The following SLC35F4 variants were observed in gnomAD, a reference collection of about 807,000 sequenced individuals.
SLC35F4 encodes the protein chromosome 14 open reading frame 36.
In SLC35F4, 24 loss-of-function variants were observed where a neutral mutation model predicts 44.2. That is an observed-to-expected ratio of 0.54 (90% confidence interval 0.39 to 0.76). SLC35F4 has a LOEUF of 0.76. Ranked by LOEUF, SLC35F4 falls within the 30% of genes least tolerant of loss-of-function variation. The probability of loss-of-function intolerance (pLI) is 0.00; values close to 1 mark genes in which losing one functional copy is unlikely to be tolerated. For synonymous variants in SLC35F4, 238 were observed against 223.6 expected (o/e 1.06, Z -0.57); for missense variants, 562 against 586.1 (o/e 0.96, Z 0.42).
intron 7 of SLC35F4, among the ~76,000 whole-genome samples, chr14:57,564,724 TTC>T (rs1388638018): frequency 6.6e-6 from 1 of 152,240 alleles, no homozygotes; most frequent in Non-Finnish European, 1.5e-5. Flanking sequence ...GTGCAGGCTG[TTC>T]TTTTTAAAAA....
chr14:57,783,107 C>T (rs990861671), intron 1 of SLC35F4, among the ~76,000 whole-genome samples: 10 of 152,160 alleles, frequency 6.6e-5, no homozygotes, highest in African/African-American at 1.9e-4. Flanking sequence ...ATTAAAAATG[C>T]TGCTTTTATG....
chr14:57,860,196 G>A (rs1309463242), intron 1 of SLC35F4, among the ~76,000 whole-genome samples: 1 of 152,122 alleles, frequency 6.6e-6, no homozygotes, highest in Admixed American at 6.5e-5. Context: ...TTTTGAAATG[G>A]GGATGATACC....
chr14:57,973,119 C>T (rs74055572), downstream of SLC35F4, among the ~76,000 whole-genome samples: 1,485 of 152,320 alleles, frequency 9.7e-3, 25 homozygotes, highest in African/African-American at 0.034. Flanking sequence ...TCCCCTTAGC[C>T]ATCCAGCTTT....
chr14:57,737,354 T>A (rs2076492215), intron 1 of SLC35F4, among the ~76,000 whole-genome samples: 1 of 152,044 alleles, frequency 6.6e-6, no homozygotes, highest in Non-Finnish European at 1.5e-5. Flanking sequence ...CTGCCCAGAT[T>A]TCCCAGTTTA....
At chr14:57,772,861 G>T (rs2077401032) in intron 1 of SLC35F4, among the ~76,000 whole-genome samples, 1 of 152,058 alleles carries the variant, frequency 6.6e-6, no homozygotes, top group Admixed American at 6.6e-5. Context: ...TTTTCCCTTA[G>T]GTAGATAACC....
chr14:57,695,942 A>G (rs199625317), intron 1 of SLC35F4, among the ~76,000 whole-genome samples: 2 of 152,166 alleles, frequency 1.3e-5, no homozygotes, highest in East Asian at 3.9e-4. Flanking sequence ...CTCAGGATGG[A>G]TTAAAGACTT....
intron 1 of SLC35F4, among the ~76,000 whole-genome samples, chr14:57,664,123 C>T (rs910635654): frequency 2.0e-5 from 3 of 152,056 alleles, no homozygotes; most frequent in African/African-American, 7.2e-5. Context: ...TGTTGCCTAC[C>T]ACCTACAGGG....
chr14:57,708,334 C>T (rs1309129720), intron 1 of SLC35F4, among the ~76,000 whole-genome samples: 1 of 152,202 alleles, frequency 6.6e-6, no homozygotes, highest in East Asian at 1.9e-4. Flanking sequence ...ACCAAATTAT[C>T]TTTAAAAACT....
intron 1 of SLC35F4, among the ~76,000 whole-genome samples, chr14:57,715,211 A>G (rs577597191): frequency 1.1e-4 from 17 of 152,300 alleles, no homozygotes; most frequent in African/African-American, 2.9e-4. Context: ...TTGGCAATTT[A>G]TAGACAATAA....
intron 1 of SLC35F4, among the ~76,000 whole-genome samples, chr14:57,610,051 C>T (rs112378738): frequency 0.066 from 9,987 of 152,184 alleles, 922 homozygotes; most frequent in African/African-American, 0.21. Flanking sequence ...GATAATTTTC[C>T]TTGTCACTAT....
chr14:57,936,230 G>A (rs1416235480), intron 1 of SLC35F4, among the ~76,000 whole-genome samples: 1 of 152,206 alleles, frequency 6.6e-6, no homozygotes, highest in Non-Finnish European at 1.5e-5. Context: ...CAAGTTAGAA[G>A]CAGGCATGGA....
intron 1 of SLC35F4, among the ~76,000 whole-genome samples, chr14:57,925,900 T>C (rs1159575928): frequency 6.6e-6 from 1 of 152,200 alleles, no homozygotes; most frequent in Non-Finnish European, 1.5e-5. Flanking sequence ...ATGTGCCACT[T>C]CCTGGGCATT....
rs749317817 is a variant in SLC35F4 at position 57,564,226 on chromosome 14, C to T, written c.1367G>A (p.Ser456Asn). The T allele has an allele frequency of 1.2e-6, 2 of 1,613,486 alleles. No individual in the cohort carries two copies. Residue 456 changes from serine to asparagine, a missense_variant, in exon 8 of 8, where the codon AGT becomes AAT. Physicochemically the swap from Ser to Asn is conservative, Grantham distance 46. Coordinates refer to ENST00000556826, the MANE Select transcript of SLC35F4 (RefSeq NM_001306087.2). ...RFINSLKEKK[S>N]EEHVDDVTDP... ...AGTCACATCATCCACATGCTCCTCACTCTTCTTTTCCTTCAGGCTGTTGAT... is the reference window on the plus strand; with the variant it reads ...AGTCACATCATCCACATGCTCCTCATTCTTCTTTTCCTTCAGGCTGTTGAT...
intron 1 of SLC35F4, among the ~76,000 whole-genome samples, chr14:57,623,730 A>G (rs2072323412): frequency 6.6e-6 from 1 of 152,240 alleles, no homozygotes; most frequent in South Asian, 2.1e-4. Context: ...TAAGGCAGAA[A>G]CAAAGATGTT....
At chr14:57,652,332 G>T (rs1368156146) in intron 1 of SLC35F4, among the ~76,000 whole-genome samples, 4 of 152,134 alleles carry the variant, frequency 2.6e-5, no homozygotes, top group Non-Finnish European at 5.9e-5. Flanking sequence ...GGCTCCTCCA[G>T]TTTCCCTAGC....
intron 1 of SLC35F4, among the ~76,000 whole-genome samples, chr14:57,943,954 A>T (rs1450735864): frequency 2.0e-5 from 3 of 152,108 alleles, no homozygotes; most frequent in African/African-American, 7.2e-5. Flanking sequence ...GGACCACGCC[A>T]ATGGGAGAGA....
chr14:57,969,516 C>A (rs1880989457), intron 1 of SLC35F4, among the ~76,000 whole-genome samples: 2 of 152,100 alleles, frequency 1.3e-5, no homozygotes, highest in African/African-American at 4.8e-5. Flanking sequence ...CTTGTCTTTA[C>A]ATTTCTGTGT....
At chr14:57,886,378 C>T (rs144614758) in intron 1 of SLC35F4, among the ~76,000 whole-genome samples, 164 of 152,182 alleles carry the variant, frequency 1.1e-3, no homozygotes, top group African/African-American at 3.7e-3. Context: ...TCCAAGCTCA[C>T]TTAGGTTGTT....
At chr14:57,859,048 T>C (rs1272500547) in intron 1 of SLC35F4, among the ~76,000 whole-genome samples, 2 of 151,420 alleles carry the variant, frequency 1.3e-5, no homozygotes, top group Admixed American at 1.3e-4. Flanking sequence ...AAGGCTGCAG[T>C]AAACTATAAT....
Sources: allele counts gnomAD v4.1 joint callset (sites outside exome capture counted in the v4.1 genomes callset), GRCh38; gene constraint gnomAD v4.1.1; transcripts MANE v1.5; gene names NCBI Gene and HGNC (gene_info 2026-07-23, HGNC 2026-07-21).